Variants in DLGAP1 observed in about 807,000 individuals in gnomAD.
DLGAP1 encodes DLG associated protein 1, also known as disks large-associated protein 1.
DLGAP1 carries 11 observed loss-of-function variants against 90.8 expected under a neutral mutation model. The observed-to-expected ratio is 0.12, with a 90% CI of 0.08 to 0.20. DLGAP1 has a LOEUF of 0.20. DLGAP1 is among the 10% of genes least tolerant of loss of function. The probability of loss-of-function intolerance (pLI) is 1.00; values close to 1 mark genes in which losing one functional copy is unlikely to be tolerated. For missense variants in DLGAP1, 1,050 were observed against 1,333.8 expected (o/e 0.79, Z 3.31); for synonymous variants, 558 against 540.7 (o/e 1.03, Z -0.44).
chr18:4,104,724 C>T (rs184821390), intron 2 of DLGAP1, among the ~76,000 whole-genome samples: 113 of 152,276 alleles, frequency 7.4e-4, no homozygotes, highest in African/African-American at 2.5e-3. Context: ...CTGTCTCTCT[C>T]TTTCTCATTC....
At chr18:3,888,816 C>G (rs2071387186) in intron 3 of DLGAP1, among the ~76,000 whole-genome samples, 1 of 152,128 alleles carries the variant, frequency 6.6e-6, no homozygotes, top group Non-Finnish European at 1.5e-5. Flanking sequence ...GATAAAATCT[C>G]CTAATCTTAT....
chr18:3,790,169 A>G (rs57102162), intron 5 of DLGAP1, among the ~76,000 whole-genome samples: 1,751 of 152,258 alleles, frequency 0.012, 41 homozygotes, highest in African/African-American at 0.04. Context: ...CTCTTTGTTC[A>G]GTTGGTAGAC....
intron 1 of DLGAP1, among the ~76,000 whole-genome samples, chr18:4,234,602 A>T (rs1007880169): frequency 4.6e-5 from 7 of 152,206 alleles, no homozygotes; most frequent in African/African-American, 1.7e-4. Flanking sequence ...ATTTTATATA[A>T]TACAGGCCTT....
chr18:3,982,004 G>A (rs2073741679), intron 3 of DLGAP1, among the ~76,000 whole-genome samples: 1 of 151,718 alleles, frequency 6.6e-6, no homozygotes, highest in African/African-American at 2.4e-5. Context: ...ATGGGTAAAA[G>A]TAAAATGCAT....
chr18:3,517,405 G>C lies in DLGAP1; in HGVS notation c.2480-8744C>G, dbSNP rs947005712. Among the ~76,000 whole-genome samples the C allele has an allele frequency of 2.0e-5, 3 of 152,158 alleles. No homozygotes were observed. The highest frequency in any genetic ancestry group is 4.4e-5 in the Non-Finnish European group (3 of 68,030). On this transcript the variant is annotated intron_variant, in intron 10 of 12. Transcript: ENST00000315677. This position sits in a 1 kb window ranked among gnomAD's most constrained non-coding sequence, Gnocchi z 4.1. The stretch of plus-strand genomic sequence containing the variant: ...TACTGCAGCTTCTCCATCATCACTA[G>C]GAATTCACCTTGCATTATATTACAG...
chr18:4,306,080 C>T (rs947198950), intron 1 of DLGAP1, among the ~76,000 whole-genome samples: 25 of 136,362 alleles, frequency 1.8e-4, no homozygotes, highest in South Asian at 1.2e-3. Flanking sequence ...GAGAGGGGGG[C>T]GGAGAGAGAG....
chr18:3,992,570 T>C (rs1423959376), intron 3 of DLGAP1, among the ~76,000 whole-genome samples: 2 of 151,994 alleles, frequency 1.3e-5, no homozygotes, highest in African/African-American at 4.8e-5. Flanking sequence ...CTCAGCTAAC[T>C]GGGAGGCTAA....
At chr18:4,275,750 T>G in intron 1 of DLGAP1, among the ~76,000 whole-genome samples, 1 of 152,294 alleles carries the variant, frequency 6.6e-6, no homozygotes, top group East Asian at 1.9e-4. Flanking sequence ...TGTTCACTGC[T>G]CTCATGGAGT....
chr18:3,982,583 A>T (rs9951772), intron 3 of DLGAP1, among the ~76,000 whole-genome samples: 13,684 of 152,156 alleles, frequency 0.09, 848 homozygotes, highest in African/African-American at 0.15. Flanking sequence ...TGAGGTTTCC[A>T]TGGGATAGCC....
chr18:3,964,422 A>C (rs1459927273), intron 3 of DLGAP1, among the ~76,000 whole-genome samples: 2 of 152,338 alleles, frequency 1.3e-5, no homozygotes, highest in Admixed American at 1.3e-4. Context: ...GGTGGTGAGA[A>C]GACAACGAGT....
intron 2 of DLGAP1, among the ~76,000 whole-genome samples, chr18:4,039,915 T>C (rs1026489817): frequency 3.3e-5 from 5 of 152,338 alleles, no homozygotes; most frequent in Non-Finnish European, 7.3e-5. Flanking sequence ...TGAGATAAAT[T>C]ACCTTTGAGT....
intron 5 of DLGAP1, among the ~76,000 whole-genome samples, chr18:3,800,672 A>T (rs937894069): frequency 3.5e-4 from 54 of 152,284 alleles, no homozygotes; most frequent in African/African-American, 1.2e-3. Flanking sequence ...GGGGGACTTT[A>T]ACACATTATT....
intron 1 of DLGAP1, among the ~76,000 whole-genome samples, chr18:4,449,636 A>G (rs181981229): frequency 6.6e-6 from 1 of 152,308 alleles, no homozygotes; most frequent in East Asian, 1.9e-4. Context: ...TGAACATTCT[A>G]TATTTAGTTC....
chr18:3,879,224 G>T lies in DLGAP1; in HGVS notation c.845C>A (p.Thr282Lys), dbSNP rs2071081871. 2 of 1,587,794 alleles carry T rather than the reference G, an allele frequency of 1.3e-6. No individual in the cohort carries two copies. Among genetic ancestry groups the T allele is most frequent in the Non-Finnish European group, 1.7e-6 (2 of 1,166,672 alleles). Reference protein sequence around the residue: ...PLLKKSAWSSTLTVSRAREVY... With the variant: ...PLLKKSAWSSKLTVSRAREVY... Reference sequence around the variant, plus strand: ...CTCCCGGGCCCGGCTCACGGTGAGCGTGGAGGACCAGGCGCTCTTCTTCAG... The same window carrying T: ...CTCCCGGGCCCGGCTCACGGTGAGCTTGGAGGACCAGGCGCTCTTCTTCAG... The change falls in exon 4 of 13, where the codon ACG becomes AAG. Residue 282 changes from threonine to lysine, a missense_variant. Transcript: ENST00000315677. The surrounding 1 kb of genome is among the most constrained non-coding windows in gnomAD (Gnocchi z 6.6).
At chr18:3,556,754 A>G (rs2144915389) in intron 9 of DLGAP1, among the ~76,000 whole-genome samples, 1 of 152,308 alleles carries the variant, frequency 6.6e-6, no homozygotes, top group Non-Finnish European at 1.5e-5. Flanking sequence ...ATAAGTTTTC[A>G]ATTCATGTGG....
At chr18:4,278,161 T>C (rs1031763384) in intron 1 of DLGAP1, among the ~76,000 whole-genome samples, 4 of 152,210 alleles carry the variant, frequency 2.6e-5, no homozygotes, top group African/African-American at 7.2e-5. Context: ...GAGTTAAATA[T>C]GTATACAAAA....
chr18:4,087,187 G>A (rs1278504378), intron 2 of DLGAP1, among the ~76,000 whole-genome samples: 1 of 150,964 alleles, frequency 6.6e-6, no homozygotes, highest in East Asian at 1.9e-4. Context: ...TTATTTGAAA[G>A]GTGGAGATTA....
At chr18:4,094,061 T>A (rs1445480960) in intron 2 of DLGAP1, among the ~76,000 whole-genome samples, 1 of 152,210 alleles carries the variant, frequency 6.6e-6, no homozygotes, top group Non-Finnish European at 1.5e-5. Context: ...GGATTCTTCC[T>A]TAGTATTTTA....
At chr18:4,110,595 C>T (rs2075955805) in intron 2 of DLGAP1, among the ~76,000 whole-genome samples, 1 of 152,090 alleles carries the variant, frequency 6.6e-6, no homozygotes, top group Non-Finnish European at 1.5e-5. Context: ...GAGCCTAGTC[C>T]TAGAGATACT....
Sources: allele counts gnomAD v4.1 joint callset (sites outside exome capture counted in the v4.1 genomes callset), GRCh38; gene constraint gnomAD v4.1.1; non-coding constraint Gnocchi (gnomAD v3.1); transcripts MANE v1.5; gene names NCBI Gene and HGNC (gene_info 2026-07-23, HGNC 2026-07-21).